Variants in NIPSNAP3B observed in about 807,000 individuals in gnomAD.
NIPSNAP3B encodes protein NipSnap homolog 3B.
Under a neutral mutation model 31.5 loss-of-function variants are expected in NIPSNAP3B, and 30 were observed. The observed-to-expected ratio is 0.95, with a 90% CI of 0.71 to 1.29. NIPSNAP3B has a LOEUF of 1.29. NIPSNAP3B is among the 50% of genes most tolerant of loss of function. The probability of loss-of-function intolerance (pLI) is 0.00; values close to 1 mark genes in which losing one functional copy is unlikely to be tolerated. For synonymous variants in NIPSNAP3B, 106 were observed against 107.9 expected (o/e 0.98, Z 0.11); for missense variants, 269 against 300.7 (o/e 0.89, Z 0.78).
chr9:104,790,757 A>C, the NIPSNAP3B span, among the ~76,000 whole-genome samples: 1 of 152,252 alleles, frequency 6.6e-6, no homozygotes, highest in Non-Finnish European at 1.5e-5. Context: ...TTATCTCTAG[A>C]TATTGAAATC....
chr9:104,776,774 C>T lies in NIPSNAP3B; in HGVS notation c.*3701C>T, dbSNP rs953104706. On this transcript the variant is annotated 3_prime_UTR_variant, in exon 6 of 6. Coordinates refer to ENST00000374762, the MANE Select transcript of NIPSNAP3B (RefSeq NM_018376.4). Reference sequence around the variant, plus strand: ...ATGTATGTCTCTTCCCACTAGAAACCGAATTCTATGACAGCAAGGGTTTTT... The same window carrying T: ...ATGTATGTCTCTTCCCACTAGAAACTGAATTCTATGACAGCAAGGGTTTTT... Among the ~76,000 whole-genome samples the T allele has an allele frequency of 3.9e-5, 6 of 152,132 alleles. No individual in the cohort carries two copies. Among genetic ancestry groups the T allele is most frequent in the African/African-American group, 1.4e-4 (6 of 41,410 alleles).
the NIPSNAP3B span, chr9:104,787,744 C>T: frequency 1.2e-6 from 1 of 801,552 alleles, no homozygotes; most frequent in Non-Finnish European, 1.5e-6. Flanking sequence ...AGGCATGGTA[C>T]AGCCACCCCA....
In NIPSNAP3B at chr9:104,773,018, T is replaced by G. The variant is rs767772776; in HGVS notation, c.689T>G (p.Leu230Arg). 3.7e-6 allele frequency: 6 copies of G among 1,614,130 alleles called. No individual in the cohort carries two copies. The South Asian group carries it at 6.6e-5, about 18-fold the overall frequency. Residue 230 changes from leucine to arginine, a missense_variant, in exon 6 of 6, where the codon CTA becomes CGA. Coordinates refer to ENST00000374762, the MANE Select transcript of NIPSNAP3B (RefSeq NM_018376.4). The stretch of plus-strand genomic sequence containing the variant: ...CCAGTTCGGGAAAGTGTCAACTACC[T>G]AGTTTCTCAGCAGAATATGCTTCTG... ...VAAVRESVNY[L>R]VSQQNMLLIP...
the NIPSNAP3B span, chr9:104,785,743 T>C: frequency 2.2e-6 from 3 of 1,389,492 alleles, no homozygotes; most frequent in Non-Finnish European, 2.0e-6. Flanking sequence ...GGGCGGCCCC[T>C]GGCAGGCCCA....
chr9:104,786,507 T>G, the NIPSNAP3B span: 1 of 918,084 alleles, frequency 1.1e-6, no homozygotes, highest in South Asian at 1.3e-5. Context: ...TACAAGTACA[T>G]GTGGATATAG....
At chr9:104,769,101 A>G in intron 3 of NIPSNAP3B, 80 bp downstream of exon 3, 1 of 1,023,146 alleles carries the variant, frequency 9.8e-7, no homozygotes, top group Non-Finnish European at 1.4e-6. Context: ...AAAGTTCTAT[A>G]GGAAAAAAAT....
chr9:104,774,038 A>G lies in NIPSNAP3B; in HGVS notation c.*965A>G, dbSNP rs1045799969. 1 of 152,166 alleles carries G rather than the reference A, an allele frequency of 6.6e-6. No homozygotes were observed. The highest frequency in any genetic ancestry group is 2.4e-5 in the African/African-American group (1 of 41,434). 9.4% of individuals were successfully genotyped at this position (152,166 alleles called of 1,614,324 possible). A position where few individuals can be genotyped will look rare whatever the true frequency, so the allele number is the denominator to read the frequency against. ...GATGTCCTGGAGTTTTCCTTGAAAC[A>G]TCTTTCATTTCCATTTTACTTGATG... On this transcript the variant is annotated 3_prime_UTR_variant, in exon 6 of 6. Coordinates refer to ENST00000374762, the MANE Select transcript of NIPSNAP3B (RefSeq NM_018376.4).
chr9:104,775,321 G>A lies in NIPSNAP3B; in HGVS notation c.*2248G>A, dbSNP rs1402751213. On this transcript the variant is annotated 3_prime_UTR_variant, in exon 6 of 6. Coordinates refer to ENST00000374762, the MANE Select transcript of NIPSNAP3B (RefSeq NM_018376.4). The stretch of plus-strand genomic sequence containing the variant: ...TCTTAAACATTCTCTGATCACGCCA[G>A]CCAAATTGCTCTTGTCAACTCATTT... Among the ~76,000 whole-genome samples, 1 of 151,680 alleles carries A rather than the reference G, an allele frequency of 6.6e-6. No homozygotes were observed. The highest frequency in any genetic ancestry group is 2.4e-5 in the African/African-American group (1 of 41,254).
At chr9:104,787,730 C>A in the NIPSNAP3B span, 5 of 625,220 alleles carry the variant, frequency 8.0e-6, no homozygotes, top group Non-Finnish European at 1.0e-5. Flanking sequence ...TTGGGAGCAT[C>A]TGCAGGCATG....
the NIPSNAP3B span, chr9:104,787,015 A>C: frequency 1.3e-6 from 2 of 1,526,766 alleles, no homozygotes; most frequent in South Asian, 1.2e-5. Flanking sequence ...TGCTGGGGGG[A>C]AAAAAAATCA....
the NIPSNAP3B span, chr9:104,786,755 G>A: frequency 3.9e-5 from 37 of 954,440 alleles, no homozygotes; most frequent in Middle Eastern, 4.2e-4. Flanking sequence ...ATAATTTCAG[G>A]TAATAATTGT....
Position 104,774,088 on chromosome 9 carries a change from G to A in NIPSNAP3B, c.*1015G>A, listed in dbSNP as rs1055022401. 2 of 152,054 alleles carry A rather than the reference G, an allele frequency of 1.3e-5. No homozygotes were observed. The highest frequency in any genetic ancestry group is 4.8e-5 in the African/African-American group (2 of 41,464). 9.4% of individuals were successfully genotyped at this position (152,054 alleles called of 1,614,324 possible). On this transcript the variant is annotated 3_prime_UTR_variant, in exon 6 of 6. Transcript: ENST00000374762. Reference sequence around the variant, plus strand: ...GCCTCTACCTACTAAAACTAGATTTGGTACTTCCGATAGTGTATATTTACA... The same window carrying A: ...GCCTCTACCTACTAAAACTAGATTTAGTACTTCCGATAGTGTATATTTACA...
chr9:104,768,856 C>T lies in NIPSNAP3B; in HGVS notation c.272-7C>T. On this transcript the variant is annotated splice_polypyrimidine_tract_variant and splice_region_variant and intron_variant, in intron 2 of 5. Coordinates refer to ENST00000374762, the MANE Select transcript of NIPSNAP3B (RefSeq NM_018376.4). ...AAAACATTTTCTTAACTATTTTCCT[C>T]CCATAGATAATTTTGCTCATCGAGC... The T allele has an allele frequency of 1.3e-6, 2 of 1,596,702 alleles. No individual in the cohort carries two copies. Among genetic ancestry groups the T allele is most frequent in the African/African-American group, 1.4e-5 (1 of 74,026 alleles).
chr9:104,764,134 C>G lies in NIPSNAP3B; in HGVS notation c.-107C>G, dbSNP rs1269199437. ...TGACCCCGCCGAGTCCCGCCCCTGCCTGAGTTCGCCAGTGGTCCAGGAGCC... is the reference window on the plus strand; with the variant it reads ...TGACCCCGCCGAGTCCCGCCCCTGCGTGAGTTCGCCAGTGGTCCAGGAGCC... On this transcript the variant is annotated 5_prime_UTR_variant, in exon 1 of 6. Transcript: ENST00000374762. 4 of 1,062,998 alleles carry G rather than the reference C, an allele frequency of 3.8e-6. No individual in the cohort carries two copies. In the Admixed American group the frequency reaches 7.2e-5, roughly 19 times the overall value. The allele number at this position is 1,062,998 out of a possible 1,614,324, so 65.8% of individuals were successfully genotyped here.
chr9:104,777,444 G>A lies in NIPSNAP3B; in HGVS notation c.*4371G>A, dbSNP rs1828360144. Reference sequence around the variant, plus strand: ...TCTTGAAAGAAGCACATTCCCCCAGGAGGAGGAAATGGTTTGTTTTCTTTA... The same window carrying A: ...TCTTGAAAGAAGCACATTCCCCCAGAAGGAGGAAATGGTTTGTTTTCTTTA... On this transcript the variant is annotated 3_prime_UTR_variant, in exon 6 of 6. Coordinates refer to ENST00000374762, the MANE Select transcript of NIPSNAP3B (RefSeq NM_018376.4). 6.6e-6 allele frequency: 1 copy of A among 152,246 alleles called. No homozygotes were observed. Among genetic ancestry groups the A allele is most frequent in the Non-Finnish European group, 1.5e-5 (1 of 68,068 alleles). The allele number at this position is 152,246 out of a possible 1,614,324, so 9.4% of individuals were successfully genotyped here.
chr9:104,783,899 G>A, the NIPSNAP3B span: 162 of 176,256 alleles, frequency 9.2e-4, 1 homozygote, highest in African/African-American at 3.7e-3. Context: ...CTTAGTGAAT[G>A]AGGATGTGCA....
the NIPSNAP3B span, among the ~76,000 whole-genome samples, chr9:104,785,802 A>G: frequency 2.0e-5 from 3 of 152,316 alleles, no homozygotes; most frequent in African/African-American, 7.2e-5. Flanking sequence ...CTAAATACTT[A>G]TTTTATGTGA....
At chr9:104,771,381 C>T (rs1828214828) in intron 4 of NIPSNAP3B, 1 of 157,042 alleles carries the variant, frequency 6.4e-6, no homozygotes, top group Non-Finnish European at 1.4e-5. Flanking sequence ...CTTCCATTCT[C>T]AAGTAGACCC....
Position 104,766,538 on chromosome 9 carries a change from A to G in NIPSNAP3B, c.271+3A>G. 1 of 1,610,712 alleles carries G rather than the reference A, an allele frequency of 6.2e-7. No homozygotes were observed. The highest frequency in any genetic ancestry group is 2.2e-5 in the East Asian group (1 of 44,808). On this transcript the variant is annotated splice_donor_region_variant and intron_variant, in intron 2 of 5. Transcript: ENST00000374762. ...AGTGTTTCATATTTGGAAGTATGGT[A>G]AAGAGTCATCCAGTTTTAGTATTCA...
Sources: allele counts gnomAD v4.1 joint callset (sites outside exome capture counted in the v4.1 genomes callset), GRCh38; gene constraint gnomAD v4.1.1; transcripts MANE v1.5; gene names NCBI Gene and HGNC (gene_info 2026-07-23, HGNC 2026-07-21).